The following GAB1 variants were observed in gnomAD, a reference collection of about 807,000 sequenced individuals.
The protein encoded by GAB1 is GRB2 associated binding protein 1, also known as GRB2-associated-binding protein 1.
GAB1 carries 19 observed loss-of-function variants against 66.5 expected under a neutral mutation model. The observed-to-expected ratio is 0.29, with a 90% CI of 0.20 to 0.42. GAB1 has a LOEUF of 0.42. GAB1 is among the 10% of genes least tolerant of loss of function. GAB1 has a pLI of 1.00. For missense variants in GAB1, 732 were observed against 858.5 expected (o/e 0.85, Z 1.84); for synonymous variants, 294 against 301.4 (o/e 0.98, Z 0.25).
chr4:143,421,698 CTTT>C (rs70953733), intron 2 of GAB1, among the ~76,000 whole-genome samples: 2 of 118,692 alleles, frequency 1.7e-5, no homozygotes, highest in Admixed American at 9.0e-5. Context: ...CTTTTCTTTT[CTTT>C]TTTTTTTTTT....
intron 3 of GAB1, among the ~76,000 whole-genome samples, chr4:143,437,528 C>T (rs1364006644): frequency 6.6e-6 from 1 of 152,202 alleles, no homozygotes; most frequent in Non-Finnish European, 1.5e-5. Flanking sequence ...ACCAAGTAAT[C>T]ATTAGACTTT....
chr4:143,467,351 TA>T (rs1391469435), intron 9 of GAB1, among the ~76,000 whole-genome samples: 2 of 152,226 alleles, frequency 1.3e-5, no homozygotes, highest in Non-Finnish European at 2.9e-5. Context: ...ACAATACGTC[TA>T]GACATAGATT....
At chr4:143,357,840 T>C (rs1313110423) in intron 1 of GAB1, among the ~76,000 whole-genome samples, 1 of 151,870 alleles carries the variant, frequency 6.6e-6, no homozygotes, top group Non-Finnish European at 1.5e-5. Flanking sequence ...TCTTCAAAGA[T>C]GGTTCTTAAG....
At chr4:143,386,752 A>G (rs941761496) in intron 1 of GAB1, among the ~76,000 whole-genome samples, 1 of 152,212 alleles carries the variant, frequency 6.6e-6, no homozygotes, top group African/African-American at 2.4e-5. Context: ...TTTTGACTGC[A>G]ACCTGTCAAA....
intron 6 of GAB1, among the ~76,000 whole-genome samples, chr4:143,448,520 G>A (rs991581205): frequency 2.6e-5 from 4 of 151,738 alleles, no homozygotes; most frequent in Non-Finnish European, 4.4e-5. Flanking sequence ...TTAGTCTTGG[G>A]AGAGTGTATG....
rs926414703 is a variant in GAB1, at chr4:143,471,724, C to A, written c.*2535C>A. On this transcript the variant is annotated 3_prime_UTR_variant, in exon 10 of 10. Coordinates refer to ENST00000262994, the MANE Select transcript of GAB1 (RefSeq NM_002039.4). ...TTTTAAACATACATCTCAGGAAATT[C>A]TTTAATTAGAGATAGCTAAAGTTAT... 6.6e-6 allele frequency: 1 copy of A among 152,066 alleles called. No homozygotes were observed. Among genetic ancestry groups the A allele is most frequent in the East Asian group, 1.9e-4 (1 of 5,194 alleles). 9.4% of individuals were successfully genotyped at this position (152,066 alleles called of 1,614,324 possible). A position where few individuals can be genotyped will look rare whatever the true frequency, so the allele number is the denominator to read the frequency against.
intron 1 of GAB1, among the ~76,000 whole-genome samples, chr4:143,372,305 A>G (rs977077577): frequency 5.3e-5 from 8 of 151,890 alleles, no homozygotes; most frequent in Non-Finnish European, 1.0e-4. Flanking sequence ...TGGTCCCTTT[A>G]TGACATTTTT....
At chr4:143,350,094 C>G in intron 1 of GAB1, 15 of 1,365,844 alleles carry the variant, frequency 1.1e-5, no homozygotes, top group Admixed American at 1.9e-5. Context: ...CGGGCCCTCC[C>G]GCTGCACCGG....
At chr4:143,459,007 T>C (rs1462660875) in intron 6 of GAB1, among the ~76,000 whole-genome samples, 2 of 152,116 alleles carry the variant, frequency 1.3e-5, no homozygotes, top group Non-Finnish European at 2.9e-5. Context: ...TTAAATTTTC[T>C]TATTGAGTAT....
At chr4:143,453,129 A>G (rs1468528109) in intron 6 of GAB1, among the ~76,000 whole-genome samples, 6 of 152,152 alleles carry the variant, frequency 3.9e-5, no homozygotes, top group African/African-American at 9.7e-5. Context: ...ATTAATGTCA[A>G]ATTGAGTTTG....
intron 2 of GAB1, among the ~76,000 whole-genome samples, chr4:143,416,265 G>A (rs1295465210): frequency 6.6e-6 from 1 of 152,028 alleles, no homozygotes; most frequent in Non-Finnish European, 1.5e-5. Flanking sequence ...AAAATTAGCC[G>A]GGCTTGGTGG....
chr4:143,430,227 G>A (rs1257215327), intron 2 of GAB1, among the ~76,000 whole-genome samples: 2 of 152,080 alleles, frequency 1.3e-5, no homozygotes, highest in African/African-American at 2.4e-5. Context: ...TTGTCAGTGA[G>A]TAATGAAATG....
chr4:143,462,810 C>T (rs962950658), intron 8 of GAB1, among the ~76,000 whole-genome samples: 6 of 151,968 alleles, frequency 3.9e-5, no homozygotes, highest in African/African-American at 9.7e-5. Flanking sequence ...TACAGGTTTG[C>T]GCCACCACAC....
intron 6 of GAB1, among the ~76,000 whole-genome samples, chr4:143,457,955 TAAC>T (rs1735282753): frequency 6.6e-6 from 1 of 152,158 alleles, no homozygotes; most frequent in Admixed American, 6.5e-5. Context: ...ACTCTGCCAT[TAAC>T]AACAGCATGT....
chr4:143,351,030 C>T (rs150375015), intron 1 of GAB1, among the ~76,000 whole-genome samples: 164 of 152,210 alleles, frequency 1.1e-3, no homozygotes, highest in African/African-American at 3.7e-3. Flanking sequence ...ACCGGCAGGC[C>T]GAGGGGCTCT....
chr4:143,363,522 A>G (rs893839240), intron 1 of GAB1, among the ~76,000 whole-genome samples: 1 of 152,214 alleles, frequency 6.6e-6, no homozygotes, highest in Admixed American at 6.5e-5. Flanking sequence ...GCCCAAGAGC[A>G]TAGTTGAAGA....
intron 3 of GAB1, among the ~76,000 whole-genome samples, chr4:143,437,030 A>C (rs1425183928): frequency 2.6e-5 from 4 of 152,206 alleles, no homozygotes; most frequent in African/African-American, 9.6e-5. Flanking sequence ...GATCTTTTTA[A>C]GATGGAGAAA....
At chr4:143,373,961 A>G (rs1730300197) in intron 1 of GAB1, among the ~76,000 whole-genome samples, 1 of 148,818 alleles carries the variant, frequency 6.7e-6, no homozygotes, top group African/African-American at 2.5e-5. Context: ...AAGCATTGGT[A>G]TATGTTTTGG....
At chr4:143,463,481 G>A (rs535783913) in intron 8 of GAB1, among the ~76,000 whole-genome samples, 1 of 151,920 alleles carries the variant, frequency 6.6e-6, no homozygotes, top group Non-Finnish European at 1.5e-5. Flanking sequence ...AAATTAGCCG[G>A]GCGTGGTGGC....
Sources: gnomAD v4.1 joint callset for allele counts (sites outside exome capture counted in the v4.1 genomes callset) on GRCh38, gnomAD v4.1.1 for gene constraint, MANE v1.5 for transcripts, NCBI Gene and HGNC (gene_info 2026-07-23, HGNC 2026-07-21) for gene names.